Variants in GABRG3 observed in about 807,000 individuals in gnomAD.
GABRG3 encodes the protein gamma-aminobutyric acid receptor subunit gamma-3.
A neutral mutation model predicts 48.8 loss-of-function variants in GABRG3; 25 were observed. That is an observed-to-expected ratio of 0.51 (90% CI 0.37 to 0.72). The LOEUF is 0.72. Among genes scored for constraint, GABRG3 ranks in the 30% least tolerant of loss-of-function variants. GABRG3 has a pLI of 0.00. For synonymous variants in GABRG3, 227 were observed against 217.6 expected, an observed-to-expected ratio of 1.04 and a Z score of -0.38; for missense variants, 394 against 577.9, an observed-to-expected ratio of 0.68 and a Z score of 3.26.
chr15:27,369,338 G>T (rs891397415), intron 5 of GABRG3, among the ~76,000 whole-genome samples: 1 of 152,206 alleles, frequency 6.6e-6, no homozygotes, highest in Non-Finnish European at 1.5e-5. Context: ...TAAGGAGAAC[G>T]TGAAGGATAA....
intron 3 of GABRG3, among the ~76,000 whole-genome samples, chr15:27,272,754 C>T (rs185995134): frequency 1.3e-5 from 2 of 152,134 alleles, no homozygotes; most frequent in African/African-American, 4.8e-5. Context: ...TTATTTTTTT[C>T]CTTCAAGAAA....
chr15:27,065,497 G>A (rs1896722355), intron 3 of GABRG3, among the ~76,000 whole-genome samples: 1 of 152,194 alleles, frequency 6.6e-6, no homozygotes. Flanking sequence ...GGTCCCCGGA[G>A]AAGCTGCTGT....
chr15:26,979,081 T>C (rs1895004405), intron 2 of GABRG3, among the ~76,000 whole-genome samples: 1 of 152,238 alleles, frequency 6.6e-6, no homozygotes, highest in African/African-American at 2.4e-5. Context: ...ATTTTGTTTT[T>C]TGGAGCAATT....
chr15:27,227,298 C>T (rs1007532528), intron 3 of GABRG3, among the ~76,000 whole-genome samples: 2 of 152,158 alleles, frequency 1.3e-5, no homozygotes, highest in African/African-American at 4.8e-5. Flanking sequence ...TGAGACAAGT[C>T]TGGACAACAT....
rs1372876210 is a variant in GABRG3, at chr15:27,431,259, G to A, written c.575-49391G>A. ...TATGAACTTTGGAATAAGATTTCCAGTTTCTGGAAAGTGAGTGCCATCTGG... is the reference window on the plus strand; with the variant it reads ...TATGAACTTTGGAATAAGATTTCCAATTTCTGGAAAGTGAGTGCCATCTGG... On this transcript the variant is annotated intron_variant, in intron 5 of 9. Transcript: ENST00000615808. Among the ~76,000 whole-genome samples the A allele has an allele frequency of 5.3e-5, 8 of 152,176 alleles. No individual in the cohort carries two copies. The East Asian group carries it at 1.5e-3, about 29-fold the overall frequency.
chr15:27,063,306 T>C (rs1218473047), intron 3 of GABRG3, among the ~76,000 whole-genome samples: 1 of 152,206 alleles, frequency 6.6e-6, no homozygotes, highest in African/African-American at 2.4e-5. Flanking sequence ...TGGCAAACCT[T>C]GTGGAGTGCC....
intron 5 of GABRG3, among the ~76,000 whole-genome samples, chr15:27,414,546 G>A (rs924863986): frequency 6.6e-6 from 1 of 152,152 alleles, no homozygotes; most frequent in African/African-American, 2.4e-5. Context: ...TACAGATGGG[G>A]AACTCAAAGG....
Position 27,182,920 on chromosome 15 carries a change from G to A in GABRG3, c.271-143889G>A, listed in dbSNP as rs144893138. Among the ~76,000 whole-genome samples, 4 of 152,278 alleles carry A rather than the reference G, an allele frequency of 2.6e-5. No individual in the cohort carries two copies. In the East Asian group the frequency reaches 7.7e-4, roughly 29 times the overall value. ...TGCAAAATCATCCTTTGATAGCTGA[G>A]GATGTCGTCTGAGGGTGAGATCAAG... is the stretch of plus-strand genomic sequence containing the variant. On this transcript the variant is annotated intron_variant, in intron 3 of 9. Coordinates refer to ENST00000615808, the MANE Select transcript of GABRG3 (RefSeq NM_033223.5).
intron 3 of GABRG3, among the ~76,000 whole-genome samples, chr15:27,311,537 C>G (rs74773883): frequency 2.3e-3 from 351 of 152,160 alleles, no homozygotes; most frequent in African/African-American, 7.9e-3. Flanking sequence ...CCACAGCTTT[C>G]TCTCCAGCTT....
At chr15:27,320,984 T>A (rs1893406470) in intron 3 of GABRG3, among the ~76,000 whole-genome samples, 1 of 152,204 alleles carries the variant, frequency 6.6e-6, no homozygotes, top group South Asian at 2.1e-4. Flanking sequence ...CACCCCCTGC[T>A]ATGCTTCCCC....
intron 6 of GABRG3, among the ~76,000 whole-genome samples, chr15:27,494,512 T>G (rs57777959): frequency 0.033 from 5,006 of 152,240 alleles, 281 homozygotes; most frequent in African/African-American, 0.11. Flanking sequence ...ATGAATTCAC[T>G]TTACTTAATG....
Position 27,256,256 on chromosome 15 carries a change from C to A in GABRG3, c.271-70553C>A, listed in dbSNP as rs533101473. Among the ~76,000 whole-genome samples, 14 of 151,676 alleles carry A rather than the reference C, an allele frequency of 9.2e-5. No individual in the cohort carries two copies. In the East Asian group the frequency reaches 2.5e-3, roughly 28 times the overall value. Reference sequence around the variant, plus strand: ...AGGAGATCAAGACCATCCTGGCTAACATGGTGAAACCCGTCTCTACTAAAA... The same window carrying A: ...AGGAGATCAAGACCATCCTGGCTAAAATGGTGAAACCCGTCTCTACTAAAA... On this transcript the variant is annotated intron_variant, in intron 3 of 9. Coordinates refer to ENST00000615808, the MANE Select transcript of GABRG3 (RefSeq NM_033223.5).
At chr15:27,491,710 T>C (rs1288390179) in intron 6 of GABRG3, among the ~76,000 whole-genome samples, 2 of 152,212 alleles carry the variant, frequency 1.3e-5, no homozygotes, top group Non-Finnish European at 2.9e-5. Flanking sequence ...CTTAAATGTC[T>C]ATTCCTCAAA....
chr15:27,454,420 AT>A (rs1889201526), intron 5 of GABRG3, among the ~76,000 whole-genome samples: 2 of 152,140 alleles, frequency 1.3e-5, no homozygotes, highest in Admixed American at 1.3e-4. Flanking sequence ...TGAGTAATGG[AT>A]TTTTAATAAC....
At chr15:27,497,162 T>A (rs1595792915) in intron 6 of GABRG3, among the ~76,000 whole-genome samples, 1 of 152,348 alleles carries the variant, frequency 6.6e-6, no homozygotes, top group East Asian at 1.9e-4. Flanking sequence ...ATTGTTAGGT[T>A]CTATAAATGC....
intron 3 of GABRG3, among the ~76,000 whole-genome samples, chr15:27,162,772 G>C (rs1446776051): frequency 6.6e-6 from 1 of 151,868 alleles, no homozygotes; most frequent in African/African-American, 2.4e-5. Flanking sequence ...GAGGTATGAG[G>C]GTTCTGCATT....
chr15:27,149,717 G>A (rs1368885992), intron 3 of GABRG3, among the ~76,000 whole-genome samples: 4 of 152,202 alleles, frequency 2.6e-5, no homozygotes, highest in East Asian at 1.9e-4. Context: ...AGATTCTCTC[G>A]TAGAACCTCC....
chr15:27,186,976 A>C (rs1216372229), intron 3 of GABRG3, among the ~76,000 whole-genome samples: 1 of 152,152 alleles, frequency 6.6e-6, no homozygotes, highest in Non-Finnish European at 1.5e-5. Context: ...TTGAGGACTA[A>C]GCCATTCAAT....
At chr15:27,127,500 A>G (rs1897841911) in intron 3 of GABRG3, among the ~76,000 whole-genome samples, 1 of 151,994 alleles carries the variant, frequency 6.6e-6, no homozygotes, top group Non-Finnish European at 1.5e-5. Context: ...GAAAGTGGAA[A>G]ATCTCTGGGG....
Sources: gnomAD v4.1 joint callset for allele counts (sites outside exome capture counted in the v4.1 genomes callset) on GRCh38, gnomAD v4.1.1 for gene constraint, MANE v1.5 for transcripts, NCBI Gene and HGNC (gene_info 2026-07-23, HGNC 2026-07-21) for gene names.